PELI2: variants seen among roughly 807,000 people sequenced by gnomAD.
PELI2 encodes E3 ubiquitin-protein ligase pellino homolog 2.
In PELI2, 23 loss-of-function variants were observed where a neutral mutation model predicts 42.3. The ratio of observed to expected loss-of-function variants is 0.54; its 90% CI spans 0.39 to 0.77. The LOEUF is 0.77. Among genes scored for constraint, PELI2 ranks in the 30% least tolerant of loss-of-function variants. The pLI, the probability that PELI2 is intolerant of heterozygous loss-of-function variation, is 0.00. For missense variants in PELI2, 463 were observed against 553.2 expected (o/e 0.84, Z 1.64); for synonymous variants, 245 against 212.2 (o/e 1.15, Z -1.34).
At chr14:56,291,730 G>A (rs976661886) in intron 5 of PELI2, among the ~76,000 whole-genome samples, 9 of 152,200 alleles carry the variant, frequency 5.9e-5, no homozygotes, top group Non-Finnish European at 5.9e-5. Context: ...CAGACTCTGC[G>A]TTAACATTTC....
At chr14:56,286,572 C>T (rs1889652469) in intron 3 of PELI2, among the ~76,000 whole-genome samples, 1 of 152,288 alleles carries the variant, frequency 6.6e-6, no homozygotes, top group South Asian at 2.1e-4. Context: ...CCCTGGCTTG[C>T]GTGCTATATG....
intron 2 of PELI2, among the ~76,000 whole-genome samples, chr14:56,252,972 A>G (rs894244656): frequency 1.3e-5 from 2 of 152,212 alleles, no homozygotes; most frequent in Non-Finnish European, 2.9e-5. Context: ...AATACTGGCA[A>G]ACAGAATCCA....
At chr14:56,226,200 C>T (rs767660485) in intron 2 of PELI2, among the ~76,000 whole-genome samples, 1 of 152,186 alleles carries the variant, frequency 6.6e-6, no homozygotes, top group South Asian at 2.1e-4. Flanking sequence ...CTCGTTAGCC[C>T]ACCACTGCCT....
chr14:56,292,760 T>C, intron 5 of PELI2: 1 of 979,290 alleles, frequency 1.0e-6, no homozygotes. Context: ...TCAACAAAAT[T>C]AATTAAATAT....
chr14:56,207,763 C>G (rs371821112), intron 2 of PELI2, among the ~76,000 whole-genome samples: 115 of 152,262 alleles, frequency 7.6e-4, no homozygotes, highest in African/African-American at 2.7e-3. Context: ...CGAGGCTTTT[C>G]TTGTCTGGCC....
chr14:56,232,015 T>A (rs1264627058), intron 2 of PELI2, among the ~76,000 whole-genome samples: 1 of 152,040 alleles, frequency 6.6e-6, no homozygotes, highest in African/African-American at 2.4e-5. Context: ...CTAGAAGAAA[T>A]GGATAAATTC....
At chr14:56,261,901 C>A (rs1888726133) in intron 2 of PELI2, among the ~76,000 whole-genome samples, 1 of 152,100 alleles carries the variant, frequency 6.6e-6, no homozygotes, top group South Asian at 2.1e-4. Flanking sequence ...GATTAAACTT[C>A]ACACATAAAT....
At chr14:56,293,554 G>A (rs374503939) in intron 5 of PELI2, among the ~76,000 whole-genome samples, 19 of 152,312 alleles carry the variant, frequency 1.2e-4, no homozygotes, top group African/African-American at 4.1e-4. Context: ...GCTGGACACA[G>A]TAATGCCCCA....
chr14:56,225,411 G>A (rs1169884716), intron 2 of PELI2, among the ~76,000 whole-genome samples: 1 of 152,228 alleles, frequency 6.6e-6, no homozygotes, highest in Non-Finnish European at 1.5e-5. Context: ...GCTGTCAGAT[G>A]TGGAGGATGA....
At chr14:56,150,631 C>T (rs142702419) in intron 1 of PELI2, among the ~76,000 whole-genome samples, 103 of 152,166 alleles carry the variant, frequency 6.8e-4, no homozygotes, top group South Asian at 2.3e-3. Flanking sequence ...TATCTTATAA[C>T]CTCTATTTCC....
At chr14:56,237,423 A>G (rs1026739907) in intron 2 of PELI2, among the ~76,000 whole-genome samples, 4 of 151,946 alleles carry the variant, frequency 2.6e-5, no homozygotes, top group Admixed American at 6.6e-5. Context: ...TACTCAGACA[A>G]CTCTAATTTT....
rs1307782882 is a variant in PELI2, at chr14:56,194,465, A to G, written c.207+16001A>G. ...ATCCTGCAGAATCTGCTTCTTCACC[A>G]GTCGCCATCCCTAGCATGGACATTT... On this transcript the variant is annotated intron_variant, in intron 2 of 5. Transcript: ENST00000267460. Among the ~76,000 whole-genome samples, 4 of 152,354 alleles carry G rather than the reference A, an allele frequency of 2.6e-5. No homozygotes were observed. The East Asian group carries it at 7.7e-4, about 29-fold the overall frequency.
chr14:56,183,627 A>T (rs1885668595), intron 2 of PELI2, among the ~76,000 whole-genome samples: 1 of 152,194 alleles, frequency 6.6e-6, no homozygotes, highest in Non-Finnish European at 1.5e-5. Context: ...AGAACTTATA[A>T]ATCAGGAAGG....
chr14:56,262,234 G>A (rs542289836), intron 2 of PELI2, among the ~76,000 whole-genome samples: 2 of 152,240 alleles, frequency 1.3e-5, no homozygotes, highest in Admixed American at 1.3e-4. Flanking sequence ...ACTAACCCTG[G>A]TATTTTTAGC....
At chr14:56,122,598 C>CT (rs34293379) in intron 1 of PELI2, among the ~76,000 whole-genome samples, 67,351 of 149,244 alleles carry the variant, frequency 0.45, 16,119 homozygotes, top group Admixed American at 0.59. Context: ...TTTTGCAAGA[C>CT]TTTTTTTTTT....
At chr14:56,200,483 A>G (rs1261679261) in intron 2 of PELI2, among the ~76,000 whole-genome samples, 1 of 152,172 alleles carries the variant, frequency 6.6e-6, no homozygotes, top group Non-Finnish European at 1.5e-5. Flanking sequence ...TCCTTTCATA[A>G]CTACCACACT....
At chr14:56,121,434 C>T (rs1313706429) in intron 1 of PELI2, among the ~76,000 whole-genome samples, 2 of 152,118 alleles carry the variant, frequency 1.3e-5, no homozygotes, top group African/African-American at 4.8e-5. Flanking sequence ...TTTTAGTGAG[C>T]TCATCACTTT....
intron 2 of PELI2, among the ~76,000 whole-genome samples, chr14:56,251,157 G>A (rs1002055091): frequency 3.9e-5 from 6 of 152,318 alleles, no homozygotes; most frequent in African/African-American, 1.4e-4. Flanking sequence ...TTGTCTGTGA[G>A]CTATTAGTAG....
chr14:56,142,812 A>G (rs1444817652), intron 1 of PELI2, among the ~76,000 whole-genome samples: 1 of 152,158 alleles, frequency 6.6e-6, no homozygotes, highest in Non-Finnish European at 1.5e-5. Flanking sequence ...AAGATTAAAA[A>G]ATTATAGGAC....
Sources: gnomAD v4.1 joint callset for allele counts (sites outside exome capture counted in the v4.1 genomes callset) on GRCh38, gnomAD v4.1.1 for gene constraint, MANE v1.5 for transcripts, NCBI Gene and HGNC (gene_info 2026-07-23, HGNC 2026-07-21) for gene names.